Variants in RELA observed in about 807,000 individuals in gnomAD.
The protein encoded by RELA is transcription factor p65.
A neutral mutation model predicts 56.7 loss-of-function variants in RELA; 14 were observed. That is an observed-to-expected ratio of 0.25 (90% CI 0.16 to 0.39). The LOEUF is 0.39. RELA is among the 10% of genes least tolerant of loss of function. The pLI is 1.00. For missense variants in RELA, 559 were observed against 736.4 expected (o/e 0.76, Z 2.79); for synonymous variants, 315 against 289.7 (o/e 1.09, Z -0.89).
At position 65,653,923 on chromosome 11, in the gene RELA, T is replaced by C. The variant is rs983090779; in HGVS notation, c.*455A>G. 5 of 262,536 alleles carry C rather than the reference T, an allele frequency of 1.9e-5. No individual in the cohort carries two copies. Among genetic ancestry groups the C allele is most frequent in the Non-Finnish European group, 3.7e-5 (5 of 133,548 alleles). The allele number at this position is 262,536 out of a possible 1,614,324, so 16.3% of individuals were successfully genotyped here. Reference sequence around the variant, plus strand: ...ACGCTGGTGTTAGGCACAGGGACAATGCCAGTGCCATACAGGGGCTGGTAT... The same window carrying C: ...ACGCTGGTGTTAGGCACAGGGACAACGCCAGTGCCATACAGGGGCTGGTAT... On this transcript the variant is annotated 3_prime_UTR_variant, in exon 11 of 11. Transcript: ENST00000406246.
Position 65,661,828 on chromosome 11 carries a change from C to A in RELA, c.194G>T (p.Gly65Val), listed in dbSNP as rs368661961. 1 of 1,610,678 alleles carries A rather than the reference C, an allele frequency of 6.2e-7. No homozygotes were observed. The highest frequency in any genetic ancestry group is 1.3e-5 in the African/African-American group (1 of 74,858). The change falls in exon 4 of 11, where the codon GGC (glycine) becomes GTC (valine). Residue 65 changes from glycine to valine, a missense_variant. Gly to Val is a moderately radical substitution (Grantham distance 109, BLOSUM62 -3). Around this residue, in one of 4 missense-constraint regions of RELA, gnomAD observed 24 missense variants for 75.5 expected, o/e 0.32. Coordinates refer to ENST00000406246, the MANE Select transcript of RELA (RefSeq NM_021975.4). Reference protein sequence around the residue: ...TKTHPTIKINGYTGPGTVRIS... With the variant: ...TKTHPTIKINVYTGPGTVRIS... Reference sequence around the variant, plus strand: ...GCGCACTGTCCCTGGTCCTGTGTAGCCATTGATCTGTCCAAAGTACAGAGG... The same window carrying A: ...GCGCACTGTCCCTGGTCCTGTGTAGACATTGATCTGTCCAAAGTACAGAGG...
rs776126630 is a variant in RELA, at chr11:65,654,476, C to T, written c.1558G>A (p.Ala520Thr). Residue 520 changes from alanine (A) to threonine (T), a missense_variant, in exon 11 of 11, where the codon GCC becomes ACC. Around this residue, in one of 4 missense-constraint regions of RELA, gnomAD observed 365 missense variants for 387.5 expected, o/e 0.94. Transcript: ENST00000406246. ...PPDPAPAPLG[A>T]PGLPNGLLSG... ...AGGAGGCCATTGGGGAGCCCCGGGG[C>T]CCCCAGTGGAGCAGGAGCTGGGTCG... The T allele has an allele frequency of 5.0e-6, 8 of 1,601,850 alleles. No individual in the cohort carries two copies. Among genetic ancestry groups the T allele is most frequent in the Non-Finnish European group, 6.8e-6 (8 of 1,175,592 alleles).
chr11:65,657,657 AC>A (rs1856463953), intron 8 of RELA, among the ~76,000 whole-genome samples: 2 of 151,986 alleles, frequency 1.3e-5, no homozygotes, highest in Admixed American at 1.3e-4. Flanking sequence ...CTTCAATGCC[AC>A]CTTCTCCATG....
rs1856492299 is a variant in RELA, at chr11:65,658,789, C to T, written c.593G>A (p.Arg198Gln). ...GCAGCTGCCAGAGTTTCGGTTCACTCGGCAGATCTTGAGCTCGGCAGTGTT... is the reference window on the plus strand; with the variant it reads ...GCAGCTGCCAGAGTTTCGGTTCACTTGGCAGATCTTGAGCTCGGCAGTGTT... Reference protein sequence around the residue: ...APNTAELKICRVNRNSGSCLG... With the variant: ...APNTAELKICQVNRNSGSCLG... Residue 198 changes from arginine (R) to glutamine (Q), a missense_variant, in exon 7 of 11, where the codon CGA becomes CAA. Transcript: ENST00000406246. The surrounding 1 kb of genome is among the most constrained non-coding windows in gnomAD (Gnocchi z 4.5). 6.2e-7 allele frequency: 1 copy of T among 1,614,024 alleles called. No homozygotes were observed. The highest frequency in any genetic ancestry group is 8.5e-7 in the Non-Finnish European group (1 of 1,179,998).
At position 65,662,108 on chromosome 11, in the gene RELA, C is replaced by T; in HGVS notation, c.35-20G>A. ...CTGGCTCTGCCAGGGGACACCGCAG[C>T]CCCATTAGGCGGCTGCCCCCACTGC... is the stretch of plus-strand genomic sequence containing the variant. On this transcript the variant is annotated intron_variant, in intron 2 of 10. Transcript: ENST00000406246. The T allele has an allele frequency of 6.2e-7, 1 of 1,604,578 alleles. No homozygotes were observed. Among genetic ancestry groups the T allele is most frequent in the Non-Finnish European group, 8.5e-7 (1 of 1,176,250 alleles).
At chr11:65,656,223 C>T (rs965699319) in intron 8 of RELA, among the ~76,000 whole-genome samples, 2 of 152,234 alleles carry the variant, frequency 1.3e-5, no homozygotes, top group African/African-American at 4.8e-5. Context: ...GCCTCCAGCT[C>T]ACACCTTCCT....
At chr11:65,662,512 G>C in intron 1 of RELA, 1 of 467,110 alleles carries the variant, frequency 2.1e-6, no homozygotes, top group African/African-American at 2.0e-5. Flanking sequence ...AACTGAATCA[G>C]ATGCGTTCTC....
rs773965367 is a variant in RELA, at chr11:65,654,289, G to A, written c.*89C>T. 3.2e-6 allele frequency: 5 copies of A among 1,555,846 alleles called. No individual in the cohort carries two copies. The South Asian group carries it at 5.7e-5, about 18-fold the overall frequency. ...GACATCCACAAAGTTGGGGGCAGTT[G>A]GAACACACCCCACCAGAATCCGTAA... On this transcript the variant is annotated 3_prime_UTR_variant, in exon 11 of 11. Transcript: ENST00000406246.
chr11:65,654,861 T>A lies in RELA; in HGVS notation c.1173A>T (p.Pro391=). Residue 391 remains proline (P), a synonymous_variant, in exon 11 of 11, where the codon CCA becomes CCT. Transcript: ENST00000406246. ...CCATGGCTGGAGCAGGGGCAGGGGCTGGAGCCTGGGGCAGGACTTGGGGAG... is the reference window on the plus strand; with the variant it reads ...CCATGGCTGGAGCAGGGGCAGGGGCAGGAGCCTGGGGCAGGACTTGGGGAG... ...PAPPQVLPQA[P]APAPAPAMVS... 6.4e-7 allele frequency: 1 copy of A among 1,563,666 alleles called. No individual in the cohort carries two copies. The highest frequency in any genetic ancestry group is 1.2e-5 in the South Asian group (1 of 85,982).
At position 65,655,876 on chromosome 11, in the gene RELA, T is replaced by G; in HGVS notation, c.937A>C (p.Met313Leu). 1.2e-6 allele frequency: 2 copies of G among 1,614,102 alleles called. No individual in the cohort carries two copies. The highest frequency in any genetic ancestry group is 1.7e-6 in the Non-Finnish European group (2 of 1,179,978). Residue 313 changes from methionine (M) to leucine (L), a missense_variant, in exon 9 of 11, where the codon ATG (methionine) becomes CTG (leucine). Coordinates refer to ENST00000406246, the MANE Select transcript of RELA (RefSeq NM_021975.4). ...KRTYETFKSI[M>L]KKSPFSGPTD... The stretch of plus-strand genomic sequence containing the variant: ...TCACCGCTGAAAGGACTCTTCTTCA[T>G]GATGCTCTTGAAGGTCTCATATGTC...
chr11:65,654,065 A>T lies in RELA; in HGVS notation c.*313T>A, dbSNP rs1856349877. The T allele has an allele frequency of 4.7e-6, 2 of 425,050 alleles. No homozygotes were observed. The highest frequency in any genetic ancestry group is 7.3e-5 in the Admixed American group (2 of 27,280). 26.3% of individuals were successfully genotyped at this position (425,050 alleles called of 1,614,324 possible). A position where few individuals can be genotyped will look rare whatever the true frequency, so the allele number is the denominator to read the frequency against. ...CTTCTGTCTCTAGGAGAGTACCAGA[A>T]GCTGGAGGATGGGGATGGGGGACCC... On this transcript the variant is annotated 3_prime_UTR_variant, in exon 11 of 11. Coordinates refer to ENST00000406246, the MANE Select transcript of RELA (RefSeq NM_021975.4).
At chr11:65,663,451 G>A (rs904986634), upstream of RELA, among the ~76,000 whole-genome samples, 1 of 152,038 alleles carries the variant, frequency 6.6e-6, no homozygotes, top group African/African-American at 2.4e-5. Context: ...GAATGGGAGC[G>A]GCCGGACCTC....
intron 4 of RELA, 64 bp downstream of exon 4, chr11:65,661,623 C>T (rs1043297355): frequency 5.5e-6 from 8 of 1,445,824 alleles, no homozygotes; most frequent in Middle Eastern, 1.8e-4. Flanking sequence ...AACACTGTAG[C>T]GGCTACTTCA....
intron 4 of RELA, chr11:65,661,436 G>A (rs1856563752): frequency 4.9e-6 from 2 of 406,066 alleles, no homozygotes; most frequent in Non-Finnish European, 8.8e-6. Flanking sequence ...TGAGGGACTT[G>A]TCCTTCCAGC....
chr11:65,662,252 C>G, intron 1 of RELA, 47 bp from the exon 2 acceptor site: 1 of 1,499,298 alleles, frequency 6.7e-7, no homozygotes, highest in Non-Finnish European at 8.9e-7. Flanking sequence ...AATGCCCATT[C>G]TCACAAGGAG....
chr11:65,661,692 G>C lies in RELA; in HGVS notation c.330C>G (p.Ile110Met), dbSNP rs779601305. Residue 110 changes from isoleucine (I) to methionine (M), a missense_variant, in exon 4 of 11, where the codon ATC becomes ATG. Ile to Met is a conservative substitution (Grantham distance 10). This residue lies in a region of RELA where 149 missense variants were observed against 256.0 expected (regional missense o/e 0.58). Coordinates refer to ENST00000406246, the MANE Select transcript of RELA (RefSeq NM_021975.4). Reference protein sequence around the residue: ...YEAELCPDRCIHSFQNLGIQC... With the variant: ...YEAELCPDRCMHSFQNLGIQC... ...CTAGCCTGCAGGGACCTCACCTGTG[G>C]ATGCAGCGGTCCGGGCAGAGCTCAG... 19 of 1,590,010 alleles carry C rather than the reference G, an allele frequency of 1.2e-5. No individual in the cohort carries two copies. The African/African-American group carries it at 2.3e-4, about 19-fold the overall frequency.
chr11:65,658,661 C>T lies in RELA; in HGVS notation c.664+57G>A. On this transcript the variant is annotated intron_variant, in intron 7 of 10. Coordinates refer to ENST00000406246, the MANE Select transcript of RELA (RefSeq NM_021975.4). The surrounding 1 kb of genome is among the most constrained non-coding windows in gnomAD (Gnocchi z 4.5). Reference sequence around the variant, plus strand: ...AAGCCAGTTACCTGACACTCCACTTCTCTGCTCAGCTTCACCCCTTGCTCC... The same window carrying T: ...AAGCCAGTTACCTGACACTCCACTTTTCTGCTCAGCTTCACCCCTTGCTCC... 1 of 1,530,612 alleles carries T rather than the reference C, an allele frequency of 6.5e-7. No homozygotes were observed. Among genetic ancestry groups the T allele is most frequent in the South Asian group, 1.1e-5 (1 of 89,226 alleles). 94.8% of individuals were successfully genotyped at this position (1,530,612 alleles called of 1,614,324 possible). A position where few individuals can be genotyped will look rare whatever the true frequency, so the allele number is the denominator to read the frequency against.
Position 65,654,988 on chromosome 11 carries a change from T to A in RELA, c.1046A>T (p.Tyr349Phe). 6.3e-7 allele frequency: 1 copy of A among 1,599,642 alleles called. No homozygotes were observed. The highest frequency in any genetic ancestry group is 8.5e-7 in the Non-Finnish European group (1 of 1,173,990). ...GGTGCTCAGGGATGACGTAAAGGGA[T>A]AGGGCTGGGGTGCTGGAGGAGAGAG... ...ASVPKPAPQPYPFTSSLSTIN... is the reference protein window; with the variant it reads ...ASVPKPAPQPFPFTSSLSTIN... Residue 349 changes from tyrosine (Y) to phenylalanine (F), a missense_variant, in exon 11 of 11, where the codon TAT becomes TTT. Physicochemically the swap from Tyr to Phe is conservative, Grantham distance 22. Transcript: ENST00000406246.
intron 1 of RELA, chr11:65,662,617 C>G: frequency 2.6e-6 from 1 of 377,674 alleles, no homozygotes; most frequent in Admixed American, 4.6e-5. Context: ...AGGGAGGATG[C>G]TGAGTCAAGG....
Sources: gnomAD v4.1 joint callset for allele counts (sites outside exome capture counted in the v4.1 genomes callset) on GRCh38, gnomAD v4.1.1 for gene constraint, gnomAD v4.1.1 regional missense constraint, Gnocchi (gnomAD v3.1) non-coding constraint, MANE v1.5 for transcripts, NCBI Gene and HGNC (gene_info 2026-07-23, HGNC 2026-07-21) for gene names.